The following CCL26 variants were observed in gnomAD, a reference collection of about 807,000 sequenced individuals.
The protein encoded by CCL26 is C-C motif chemokine ligand 26.
In CCL26, 10 loss-of-function variants were observed where a neutral mutation model predicts 10.7. That is an observed-to-expected ratio of 0.93 (90% CI 0.57 to 1.58). CCL26 has a LOEUF of 1.58. Among genes scored for constraint, CCL26 ranks in the 40% most tolerant of loss-of-function variants. CCL26 has a pLI of 0.00. For missense variants in CCL26, 116 were observed against 111.0 expected, an observed-to-expected ratio of 1.05 and a Z score of -0.20; for synonymous variants, 43 against 41.4, an observed-to-expected ratio of 1.04 and a Z score of -0.15.
chr7:75,781,803 A>C (rs1198396438), intron 1 of CCL26, among the ~76,000 whole-genome samples: 1 of 151,914 alleles, frequency 6.6e-6, no homozygotes, highest in East Asian at 1.9e-4. Flanking sequence ...CAAATCCTAT[A>C]AAACAGCCCC....
intron 1 of CCL26, among the ~76,000 whole-genome samples, chr7:75,782,262 G>A (rs556290589): frequency 1.4e-3 from 215 of 151,826 alleles, no homozygotes; most frequent in Non-Finnish European, 2.6e-3. Flanking sequence ...CGCCAGTCAC[G>A]GACTCGGGAA....
chr7:75,778,969 A>T (rs1220262823), intron 1 of CCL26, among the ~76,000 whole-genome samples: 1 of 152,134 alleles, frequency 6.6e-6, no homozygotes, highest in Admixed American at 6.5e-5. Flanking sequence ...GCACGTATAC[A>T]TCCAGATGGC....
At chr7:75,779,527 T>TGGCACCAACCTTCAATCTC (rs1803014176) in intron 1 of CCL26, among the ~76,000 whole-genome samples, 2 of 152,190 alleles carry the variant, frequency 1.3e-5, no homozygotes, top group African/African-American at 4.8e-5. Context: ...CTTTCAATCT[T>TGGCACCAACCTTCAATCTC]GGCACCACCC....
upstream of CCL26, among the ~76,000 whole-genome samples, chr7:75,791,066 A>G (rs1803320406): frequency 7.3e-6 from 1 of 136,458 alleles, no homozygotes; most frequent in African/African-American, 2.8e-5. Context: ...TGCTCTTGTC[A>G]CGCAGGCTGG....
upstream of CCL26, among the ~76,000 whole-genome samples, chr7:75,773,109 G>A (rs907499081): frequency 6.6e-6 from 1 of 152,002 alleles, no homozygotes. Flanking sequence ...GGCTGGCTGG[G>A]GGCATTTGAG....
chr7:75,786,561 C>T (rs551114424), intron 1 of CCL26, among the ~76,000 whole-genome samples: 29 of 152,274 alleles, frequency 1.9e-4, no homozygotes, highest in African/African-American at 6.0e-4. Context: ...TTAATAAAAA[C>T]TCTTCTCAAG....
chr7:75,778,096 A>G (rs555373098), intron 1 of CCL26, among the ~76,000 whole-genome samples: 70 of 152,320 alleles, frequency 4.6e-4, no homozygotes, highest in Non-Finnish European at 8.4e-4. Flanking sequence ...CCTATTGCCT[A>G]TTTGAACTTT....
At chr7:75,786,730 C>G (rs1554530043) in intron 1 of CCL26, among the ~76,000 whole-genome samples, 1 of 152,168 alleles carries the variant, frequency 6.6e-6, no homozygotes, top group African/African-American at 2.4e-5. Context: ...TCACTCCCAC[C>G]TACTCTCCCA....
At chr7:75,778,848 T>TCGGGG (rs59030718) in intron 1 of CCL26, among the ~76,000 whole-genome samples, 1,963 of 149,118 alleles carry the variant, frequency 0.013, 20 homozygotes, top group Middle Eastern at 0.021. Context: ...GAGGCCAAGG[T>TCGGGG]GGGGGGGGCA....
Position 75,782,839 on chromosome 7 carries a change from C to T in CCL26, c.-79+6878G>A, listed in dbSNP as rs1370298256. Reference sequence around the variant, plus strand: ...CTCATCCCAAATCTTTCTTCTTTCTCTCCTGTCTGTTCCTTCAGTCTCCAC... The same window carrying T: ...CTCATCCCAAATCTTTCTTCTTTCTTTCCTGTCTGTTCCTTCAGTCTCCAC... On this transcript the variant is annotated intron_variant, in intron 1 of 3. Transcript: ENST00000394905. 2.0e-5 allele frequency among the ~76,000 whole-genome samples: 3 copies of T among 152,138 alleles called. No homozygotes were observed. The East Asian group carries it at 5.8e-4, about 29-fold the overall frequency.
chr7:75,780,744 C>T (rs1554529326), intron 1 of CCL26, among the ~76,000 whole-genome samples: 1 of 152,076 alleles, frequency 6.6e-6, no homozygotes, highest in East Asian at 1.9e-4. Context: ...TGAGTCTTTC[C>T]AATCTTCCTT....
intron 1 of CCL26, among the ~76,000 whole-genome samples, chr7:75,780,799 G>A (rs576284312): frequency 9.2e-5 from 14 of 151,842 alleles, no homozygotes; most frequent in African/African-American, 1.4e-4. Flanking sequence ...CAGGCTGCTC[G>A]TTGCCAGGCC....
upstream of CCL26, among the ~76,000 whole-genome samples, chr7:75,774,239 TC>T (rs1563335922): frequency 6.6e-6 from 1 of 152,198 alleles, no homozygotes; most frequent in Non-Finnish European, 1.5e-5. Context: ...AACCTCTGCC[TC>T]CCAGGCTCAA....
chr7:75,784,270 A>G (rs1388600559), intron 1 of CCL26, among the ~76,000 whole-genome samples: 1 of 152,140 alleles, frequency 6.6e-6, no homozygotes, highest in Non-Finnish European at 1.5e-5. Context: ...GCTGTGTCCC[A>G]TCTGTGTGGG....
upstream of CCL26, among the ~76,000 whole-genome samples, chr7:75,790,178 C>CCTTTCTTTCTTTCTTTCTTT (rs782115911): frequency 2.3e-4 from 10 of 44,346 alleles, no homozygotes; most frequent in East Asian, 1.2e-3. Flanking sequence ...TTCCTTCCTT[C>CCTTTCTTTCTTTCTTTCTTT]CTTTCTTTCT....
chr7:75,790,660 G>A (rs938644663), upstream of CCL26, among the ~76,000 whole-genome samples: 3 of 152,034 alleles, frequency 2.0e-5, no homozygotes, highest in South Asian at 2.1e-4. Flanking sequence ...TAAAACATTT[G>A]AGGCTGGACA....
At position 75,769,783 on chromosome 7, in the gene CCL26, A is replaced by G. The variant is rs11465348; in HGVS notation, c.195T>C (p.Thr65=). The G allele has an allele frequency of 1.8e-3, 2,809 of 1,599,208 alleles. 46 individuals carry two copies. The highest frequency in any genetic ancestry group is 4.4e-3 in the African/African-American group (327 of 74,740). The change falls in exon 3 of 3, where the codon ACT becomes ACC. Residue 65 remains threonine (T), a synonymous_variant. Coordinates refer to ENST00000005180, the MANE Select transcript of CCL26 (RefSeq NM_001371938.1). ...TACAGACTTTCTTGCCTCTTTTGGT[A>G]GTGAATCTGTGAAAAAGAGACACGG... is the stretch of plus-strand genomic sequence containing the variant. ...NSCSQRAVIF[T]TKRGKKVCTH...
At chr7:75,790,922 C>T (rs1394761893), upstream of CCL26, among the ~76,000 whole-genome samples, 4 of 148,516 alleles carry the variant, frequency 2.7e-5, no homozygotes, top group Non-Finnish European at 5.9e-5. Flanking sequence ...CCGGCCTGGG[C>T]GATAGAGACT....
chr7:75,774,549 T>C (rs1379833075), upstream of CCL26, among the ~76,000 whole-genome samples: 1 of 151,944 alleles, frequency 6.6e-6, no homozygotes, highest in Non-Finnish European at 1.5e-5. Context: ...TGGGTTCGAA[T>C]GATTCTTCTG....
Sources: allele counts gnomAD v4.1 joint callset (sites outside exome capture counted in the v4.1 genomes callset), GRCh38; gene constraint gnomAD v4.1.1; transcripts MANE v1.5; gene names NCBI Gene and HGNC (gene_info 2026-07-23, HGNC 2026-07-21).